The following MACROD2 variants were observed in gnomAD, a reference collection of about 807,000 sequenced individuals.
The protein encoded by MACROD2 is ADP-ribose glycohydrolase MACROD2.
A neutral mutation model predicts 70.4 loss-of-function variants in MACROD2; 36 were observed. The observed-to-expected ratio is 0.51, with a 90% confidence interval of 0.39 to 0.68. The LOEUF (loss-of-function observed/expected upper bound fraction) is 0.68, where lower values mean the gene tolerates loss of function less well. MACROD2 is among the 30% of genes least tolerant of loss of function. The pLI, the probability that MACROD2 is intolerant of heterozygous loss-of-function variation, is 0.00. For missense variants in MACROD2, 496 were observed against 538.4 expected (o/e 0.92, Z 0.78); for synonymous variants, 172 against 178.8 (o/e 0.96, Z 0.30).
At chr20:14,639,599 A>G (rs1238390963) in intron 4 of MACROD2, among the ~76,000 whole-genome samples, 2 of 152,168 alleles carry the variant, frequency 1.3e-5, no homozygotes, top group Non-Finnish European at 2.9e-5. Context: ...GAATTTTGCC[A>G]CCATTTTTCC....
intron 5 of MACROD2, among the ~76,000 whole-genome samples, chr20:14,993,276 T>G (rs1403831625): frequency 6.6e-6 from 1 of 152,046 alleles, no homozygotes; most frequent in Non-Finnish European, 1.5e-5. Context: ...TTTTTTTTTT[T>G]TTTGGTGAAG....
At chr20:15,368,460 A>AC (rs1257297617) in intron 6 of MACROD2, among the ~76,000 whole-genome samples, 80 of 140,816 alleles carry the variant, frequency 5.7e-4, no homozygotes, top group Non-Finnish European at 1.0e-3. Flanking sequence ...CCAATCACAA[A>AC]CTTTTTTTTT....
At chr20:14,058,168 T>A (rs1316000210) in intron 2 of MACROD2, among the ~76,000 whole-genome samples, 1 of 152,122 alleles carries the variant, frequency 6.6e-6, no homozygotes, top group African/African-American at 2.4e-5. Flanking sequence ...ATTCAGTGAG[T>A]TGTAAAATTT....
At chr20:14,911,354 T>A (rs149225324) in intron 5 of MACROD2, among the ~76,000 whole-genome samples, 1 of 152,230 alleles carries the variant, frequency 6.6e-6, no homozygotes, top group African/African-American at 2.4e-5. Flanking sequence ...TAGCTATCAA[T>A]GGCTAGAGCA....
intron 2 of MACROD2, among the ~76,000 whole-genome samples, chr20:14,065,056 C>G (rs1191050692): frequency 6.6e-6 from 1 of 152,190 alleles, no homozygotes; most frequent in East Asian, 1.9e-4. Flanking sequence ...TTAAGGAAAT[C>G]AAGAACAAAT....
chr20:14,746,476 G>A (rs1407482324), intron 5 of MACROD2, among the ~76,000 whole-genome samples: 1 of 152,042 alleles, frequency 6.6e-6, no homozygotes, highest in Non-Finnish European at 1.5e-5. Flanking sequence ...AAAAATTTAC[G>A]TTTTGTGATC....
intron 7 of MACROD2, among the ~76,000 whole-genome samples, chr20:15,441,480 G>A (rs2046494247): frequency 6.6e-6 from 1 of 152,098 alleles, no homozygotes; most frequent in African/African-American, 2.4e-5. Context: ...TGAGAAACCA[G>A]TGTCAGTCTT....
chr20:14,559,157 CAATAAACTACCTGTTAGAA>C (rs1979258704), intron 4 of MACROD2, among the ~76,000 whole-genome samples: 1 of 151,686 alleles, frequency 6.6e-6, no homozygotes, highest in Non-Finnish European at 1.5e-5. Context: ...TATTTGGTAG[CAATAAACTACCTGTTAGAA>C]ATATTTATCA....
chr20:14,431,294 G>T (rs2083991831), intron 3 of MACROD2, among the ~76,000 whole-genome samples: 1 of 152,136 alleles, frequency 6.6e-6, no homozygotes, highest in Non-Finnish European at 1.5e-5. Flanking sequence ...TAACTGATAA[G>T]TGGCAGAGGT....
chr20:14,028,270 G>A (rs987283347), intron 2 of MACROD2, among the ~76,000 whole-genome samples: 5 of 123,126 alleles, frequency 4.1e-5, no homozygotes, highest in Admixed American at 8.4e-5. Flanking sequence ...CTCCCCACCC[G>A]CCCACCAAGC....
chr20:14,039,684 T>C (rs897010421), intron 2 of MACROD2, among the ~76,000 whole-genome samples: 1 of 152,030 alleles, frequency 6.6e-6, no homozygotes, highest in Admixed American at 6.6e-5. Flanking sequence ...CATTAAAAGG[T>C]TGTAAATTGG....
In MACROD2 at chr20:14,435,903, C is replaced by T. The variant is rs2084051287; in HGVS notation, c.272-57576C>T. 6.6e-5 allele frequency among the ~76,000 whole-genome samples: 10 copies of T among 152,048 alleles called. No homozygotes were observed. The South Asian group carries it at 1.9e-3, about 28-fold the overall frequency. On this transcript the variant is annotated intron_variant, in intron 3 of 17. Coordinates refer to ENST00000684519, the MANE Select transcript of MACROD2 (RefSeq NM_001351661.2). ...TGTATTTTTGGTAGAAACGGGGTTT[C>T]CCCATGTTGGTGAGGCTGGTCTTGA...
chr20:15,825,179 G>A (rs945713527), intron 8 of MACROD2, among the ~76,000 whole-genome samples: 1 of 152,142 alleles, frequency 6.6e-6, no homozygotes, highest in Non-Finnish European at 1.5e-5. Context: ...CCCACTGAAA[G>A]GTGGCATCTC....
chr20:14,993,906 T>G (rs1343888203), intron 5 of MACROD2, among the ~76,000 whole-genome samples: 1 of 152,202 alleles, frequency 6.6e-6, no homozygotes, highest in Non-Finnish European at 1.5e-5. Flanking sequence ...TTAAGAGATT[T>G]TTTTTAAAGT....
At chr20:15,474,992 A>G (rs749779639) in intron 7 of MACROD2, among the ~76,000 whole-genome samples, 20 of 150,206 alleles carry the variant, frequency 1.3e-4, no homozygotes, top group Admixed American at 4.6e-4. Flanking sequence ...CAGATTCAAC[A>G]GTTGCTGATT....
At chr20:15,054,193 T>A (rs992743298) in intron 5 of MACROD2, among the ~76,000 whole-genome samples, 1 of 152,240 alleles carries the variant, frequency 6.6e-6, no homozygotes, top group African/African-American at 2.4e-5. Context: ...TTCCGTAAAT[T>A]TAATTGATAA....
chr20:14,765,670 A>G (rs1015840829), intron 5 of MACROD2, among the ~76,000 whole-genome samples: 1 of 151,978 alleles, frequency 6.6e-6, no homozygotes, highest in Admixed American at 6.6e-5. Context: ...TTTTTTTAAC[A>G]TTTTCAAAAC....
In MACROD2 at chr20:15,076,355, A is replaced by G. The variant is rs1023459619; in HGVS notation, c.419-153585A>G. ...ACTGGTATAAATATCTTTATAATAAAACATTGTCTGAATCTCTGATTATTT... is the reference window on the plus strand; with the variant it reads ...ACTGGTATAAATATCTTTATAATAAGACATTGTCTGAATCTCTGATTATTT... On this transcript the variant is annotated intron_variant, in intron 5 of 17. Transcript: ENST00000684519. Among the ~76,000 whole-genome samples the G allele has an allele frequency of 2.6e-5, 4 of 152,166 alleles. No homozygotes were observed. The South Asian group carries it at 8.3e-4, about 32-fold the overall frequency.
At chr20:16,015,947 GT>G (rs1444415568) in intron 15 of MACROD2, among the ~76,000 whole-genome samples, 1 of 151,786 alleles carries the variant, frequency 6.6e-6, no homozygotes, top group Non-Finnish European at 1.5e-5. Context: ...TTTATCTTTG[GT>G]TTGGAGGTGT....
Sources: gnomAD v4.1 joint callset for allele counts (sites outside exome capture counted in the v4.1 genomes callset) on GRCh38, gnomAD v4.1.1 for gene constraint, MANE v1.5 for transcripts, NCBI Gene and HGNC (gene_info 2026-07-23, HGNC 2026-07-21) for gene names.